TBCK: variants seen among roughly 807,000 people sequenced by gnomAD.
TBCK encodes the protein TBC domain-containing protein kinase-like protein.
TBCK carries 99 observed loss-of-function variants against 113.4 expected under a neutral mutation model. That is an observed-to-expected ratio of 0.87 (90% CI 0.74 to 1.03). The LOEUF (loss-of-function observed/expected upper bound fraction) is 1.03. Ranked by LOEUF, TBCK falls within the 50% of genes least tolerant of loss-of-function variation. The probability of loss-of-function intolerance (pLI) is 0.00; values close to 1 mark genes in which losing one functional copy is unlikely to be tolerated. For missense variants in TBCK, 1,045 were observed against 1,061.3 expected, an observed-to-expected ratio of 0.98 and a Z score of 0.21; for synonymous variants, 369 against 370.8, an observed-to-expected ratio of 1.00 and a Z score of 0.05.
intron 24 of TBCK, among the ~76,000 whole-genome samples, chr4:106,114,179 A>G (rs1743215661): frequency 6.6e-6 from 1 of 152,184 alleles, no homozygotes; most frequent in South Asian, 2.1e-4. Flanking sequence ...AAAAACAGAA[A>G]AGGGGGAGAT....
Position 106,111,758 on chromosome 4 carries a change from G to A in TBCK, c.2411+4445C>T, listed in dbSNP as rs114945638. On this transcript the variant is annotated intron_variant, in intron 24 of 25. Coordinates refer to ENST00000394708, the MANE Select transcript of TBCK (RefSeq NM_001163435.3). ...TGTCTTTCTCCTTGGAAATATCTTGGGTACATACTAATTTCCCAGTCAGTA... is the reference window on the plus strand; with the variant it reads ...TGTCTTTCTCCTTGGAAATATCTTGAGTACATACTAATTTCCCAGTCAGTA... Among the ~76,000 whole-genome samples the A allele has an allele frequency of 3.4e-3, 519 of 152,108 alleles. 6 individuals are homozygous for A. Among genetic ancestry groups the A allele is most frequent in the African/African-American group, 0.012 (503 of 41,462 alleles).
chr4:106,169,069 A>G (rs137862683), intron 23 of TBCK, among the ~76,000 whole-genome samples: 7 of 152,186 alleles, frequency 4.6e-5, no homozygotes, highest in African/African-American at 1.7e-4. Context: ...CAAATAAAAT[A>G]TCTGAAGCAC....
Position 106,244,748 on chromosome 4 carries a change from G to A in TBCK, c.948C>T (p.Tyr316=). 6.3e-7 allele frequency: 1 copy of A among 1,587,592 alleles called. No individual in the cohort carries two copies. The highest frequency in any genetic ancestry group is 8.6e-7 in the Non-Finnish European group (1 of 1,165,088). ...SQLCKDINND[Y]LAERSIEEVY... is the part of the protein sequence containing the mutation. ...CTTCTTCAATAGATCTTTCTGCCAG[G>A]TAATCATTATTTATATCTATTAAAA... is the stretch of plus-strand genomic sequence containing the variant. The change falls in exon 11 of 26, where the codon TAC becomes TAT. Residue 316 remains tyrosine (Y), a synonymous_variant. Transcript: ENST00000394708.
chr4:106,263,423 C>T (rs534335004), intron 3 of TBCK, among the ~76,000 whole-genome samples: 1 of 151,922 alleles, frequency 6.6e-6, no homozygotes, highest in East Asian at 1.9e-4. Flanking sequence ...CTCAGCTATA[C>T]TCAGTCTATG....
chr4:106,183,949 T>C (rs1489206817), intron 22 of TBCK, among the ~76,000 whole-genome samples: 1 of 152,004 alleles, frequency 6.6e-6, no homozygotes, highest in Non-Finnish European at 1.5e-5. Flanking sequence ...AAAAATCCCT[T>C]TATGCTCCTA....
intron 22 of TBCK, among the ~76,000 whole-genome samples, chr4:106,188,864 C>T (rs746937412): frequency 3.3e-5 from 5 of 152,116 alleles, no homozygotes; most frequent in Non-Finnish European, 7.4e-5. Flanking sequence ...CCTAGAATCA[C>T]GTTACAATTT....
chr4:106,090,913 C>A (rs567005655), intron 25 of TBCK, among the ~76,000 whole-genome samples: 1 of 152,184 alleles, frequency 6.6e-6, no homozygotes, highest in Non-Finnish European at 1.5e-5. Context: ...TAAGAAGTTT[C>A]AAACTTTTAC....
Position 106,212,807 on chromosome 4 carries a change from A to G in TBCK, c.1803T>C (p.Ile601=), listed in dbSNP as rs2149891848. 1 of 1,612,944 alleles carries G rather than the reference A, an allele frequency of 6.2e-7. No individual in the cohort carries two copies. ...QEYLTVFSQM[I]AFHDPELSNH... ...TACTCAGCTCTGGATCATGAAATGC[A>G]ATCATCTGAGAGAAGACAGTCAGAT... The change falls in exon 20 of 26, where the codon ATT becomes ATC. Residue 601 remains isoleucine (I), a synonymous_variant. Transcript: ENST00000394708.
At chr4:106,254,349 T>G (rs1174510293) in intron 5 of TBCK, among the ~76,000 whole-genome samples, 3 of 152,224 alleles carry the variant, frequency 2.0e-5, no homozygotes, top group East Asian at 3.8e-4. Context: ...GGGCAAACAT[T>G]GCTAGCAGGA....
intron 3 of TBCK, among the ~76,000 whole-genome samples, chr4:106,283,184 A>G (rs1385344585): frequency 2.6e-5 from 4 of 152,208 alleles, no homozygotes; most frequent in African/African-American, 4.8e-5. Flanking sequence ...ACCTAAAAGT[A>G]TAATTCATTC....
intron 19 of TBCK, among the ~76,000 whole-genome samples, chr4:106,225,106 T>TGGCACAGTGTC (rs1429910553): frequency 6.6e-6 from 1 of 152,210 alleles, no homozygotes; most frequent in Non-Finnish European, 1.5e-5. Flanking sequence ...GCACTTGGCA[T>TGGCACAGTGTC]GGCACAGTGT....
At position 106,044,118 on chromosome 4, in the gene TBCK, C is replaced by T. The variant is rs906414761; in HGVS notation, c.*2452G>A. ...CATGACAGAGGGTTGCTACTATTAT[C>T]TTCTTACATAGCTCTCTTCACAAGG... is the stretch of plus-strand genomic sequence containing the variant. On this transcript the variant is annotated 3_prime_UTR_variant, in exon 26 of 26. Coordinates refer to ENST00000394708, the MANE Select transcript of TBCK (RefSeq NM_001163435.3). 6.6e-6 allele frequency: 1 copy of T among 152,122 alleles called. No homozygotes were observed. Among genetic ancestry groups the T allele is most frequent in the African/African-American group, 2.4e-5 (1 of 41,412 alleles). The allele number at this position is 152,122 out of a possible 1,614,324, so 9.4% of individuals were successfully genotyped here.
chr4:106,279,503 T>G (rs1326825897), intron 3 of TBCK, among the ~76,000 whole-genome samples: 1 of 152,178 alleles, frequency 6.6e-6, no homozygotes, highest in Non-Finnish European at 1.5e-5. Flanking sequence ...TACAATAAAT[T>G]ATTGTTGACT....
intron 25 of TBCK, among the ~76,000 whole-genome samples, chr4:106,062,392 T>C (rs1560593007): frequency 6.6e-6 from 1 of 151,900 alleles, no homozygotes; most frequent in East Asian, 1.9e-4. Flanking sequence ...AAATTTTCTT[T>C]TGATCTATGA....
At chr4:106,192,905 A>C (rs1165369979) in intron 22 of TBCK, among the ~76,000 whole-genome samples, 3 of 152,150 alleles carry the variant, frequency 2.0e-5, no homozygotes, top group Admixed American at 6.5e-5. Context: ...CTGTCAATAA[A>C]GTACTGTGAA....
intron 22 of TBCK, among the ~76,000 whole-genome samples, chr4:106,178,529 T>C (rs1451740630): frequency 6.6e-6 from 1 of 151,994 alleles, no homozygotes; most frequent in Admixed American, 6.6e-5. Flanking sequence ...CATGAAGGAA[T>C]GTTGAATTTT....
At chr4:106,308,706 T>C (rs1347831313) in intron 2 of TBCK, 62 bp downstream of exon 2, 17 of 1,430,890 alleles carry the variant, frequency 1.2e-5, no homozygotes, top group Non-Finnish European at 1.5e-5. Flanking sequence ...GTGGATATAG[T>C]ATTTATAACT....
intron 19 of TBCK, among the ~76,000 whole-genome samples, chr4:106,226,199 T>A (rs572570533): frequency 6.6e-6 from 1 of 152,256 alleles, no homozygotes; most frequent in South Asian, 2.1e-4. Context: ...AATTAGAAAG[T>A]GTGGAAATTT....
intron 2 of TBCK, among the ~76,000 whole-genome samples, chr4:106,307,166 A>T (rs1397858636): frequency 6.6e-6 from 1 of 152,172 alleles, no homozygotes; most frequent in East Asian, 1.9e-4. Context: ...CAACATGTAC[A>T]ATCTTTCAAA....
Sources: allele counts gnomAD v4.1 joint callset (sites outside exome capture counted in the v4.1 genomes callset), GRCh38; gene constraint gnomAD v4.1.1; transcripts MANE v1.5; gene names NCBI Gene and HGNC (gene_info 2026-07-23, HGNC 2026-07-21).